Variants in G2E3 observed in about 807,000 individuals in gnomAD.
The protein encoded by G2E3 is G2/M phase-specific E3 ubiquitin-protein ligase.
G2E3 carries 35 observed loss-of-function variants against 92.8 expected under a neutral mutation model. The ratio of observed to expected loss-of-function variants is 0.38; its 90% CI spans 0.29 to 0.50. The LOEUF is 0.50. Ranked by LOEUF, G2E3 falls within the 20% of genes least tolerant of loss-of-function variation. The pLI is 0.94. For missense variants in G2E3, 554 were observed against 823.8 expected, an observed-to-expected ratio of 0.67 and a Z score of 4.01; for synonymous variants, 242 against 272.4, an observed-to-expected ratio of 0.89 and a Z score of 1.10.
chr14:30,580,168 C>T (rs229197), intron 1 of G2E3, among the ~76,000 whole-genome samples: 1,727 of 152,152 alleles, frequency 0.011, 31 homozygotes, highest in African/African-American at 0.039. Flanking sequence ...GCAACAGCCA[C>T]AAATACGGTA....
At chr14:30,612,057 C>A in intron 12 of G2E3, 150 bp from the exon 13 acceptor site, 1 of 586,492 alleles carries the variant, frequency 1.7e-6, no homozygotes, top group Non-Finnish European at 3.0e-6. Context: ...GATGATCAGA[C>A]ATTTATTCTA....
Position 30,612,300 on chromosome 14 carries a change from A to T in G2E3, c.1594A>T (p.Thr532Ser). 1 of 1,603,862 alleles carries T rather than the reference A, an allele frequency of 6.2e-7. No homozygotes were observed. The highest frequency in any genetic ancestry group is 8.5e-7 in the Non-Finnish European group (1 of 1,171,226). ...AATTGGATGTCTCAGACTTATAACG[A>T]CATTAAGTGATAAATATATGTTAGT... ...ELIGCLRLIT[T>S]LSDKYMLVKD... The change falls in exon 13 of 15, where the codon ACA (threonine) becomes TCA (serine). Residue 532 changes from threonine to serine, a missense_variant. This residue lies in a region of G2E3 where 397 missense variants were observed against 560.3 expected (regional missense o/e 0.71). Coordinates refer to ENST00000206595, the MANE Select transcript of G2E3 (RefSeq NM_017769.5).
chr14:30,599,224 CTT>C (rs76536965), intron 8 of G2E3, among the ~76,000 whole-genome samples: 3 of 151,464 alleles, frequency 2.0e-5, no homozygotes, highest in African/African-American at 7.3e-5. Context: ...GTAATTACCT[CTT>C]TTTTTTGTTT....
chr14:30,619,614 T>C lies in G2E3; in HGVS notation c.*3080T>C, dbSNP rs1882471699. 6.6e-6 allele frequency: 1 copy of C among 152,094 alleles called. No homozygotes were observed. Among genetic ancestry groups the C allele is most frequent in the Non-Finnish European group, 1.5e-5 (1 of 67,994 alleles). 9.4% of individuals were successfully genotyped at this position (152,094 alleles called of 1,614,324 possible). On this transcript the variant is annotated 3_prime_UTR_variant, in exon 15 of 15. Coordinates refer to ENST00000206595, the MANE Select transcript of G2E3 (RefSeq NM_017769.5). ...GTATATTATCTGTGGTTTAGGAAAA[T>C]TTGGATTGTCTTGAAGAGACTCAGT...
At chr14:30,608,225 A>G (rs1488429694) in intron 12 of G2E3, among the ~76,000 whole-genome samples, 156 bp downstream of exon 12, 1 of 152,180 alleles carries the variant, frequency 6.6e-6, no homozygotes, top group African/African-American at 2.4e-5. Context: ...GAACCAGTTA[A>G]AAGATAGTTT....
chr14:30,565,573 G>C (rs1314496284), intron 1 of G2E3, among the ~76,000 whole-genome samples: 1 of 133,498 alleles, frequency 7.5e-6, no homozygotes, highest in African/African-American at 2.8e-5. Flanking sequence ...TTATAGTTCT[G>C]TCTTTTACAT....
At chr14:30,579,288 G>A (rs1880296036) in intron 1 of G2E3, among the ~76,000 whole-genome samples, 1 of 152,060 alleles carries the variant, frequency 6.6e-6, no homozygotes, top group African/African-American at 2.4e-5. Flanking sequence ...TTAAAACTGG[G>A]CTCTTAGTTG....
At chr14:30,608,807 T>G (rs945207899) in intron 12 of G2E3, among the ~76,000 whole-genome samples, 1 of 152,178 alleles carries the variant, frequency 6.6e-6, no homozygotes, top group Non-Finnish European at 1.5e-5. Flanking sequence ...ACAGGCAGTG[T>G]TGTTTAATGA....
intron 2 of G2E3, among the ~76,000 whole-genome samples, chr14:30,581,453 TTC>T: frequency 6.6e-6 from 1 of 152,204 alleles, no homozygotes; most frequent in Non-Finnish European, 1.5e-5. Context: ...ACGCCTGCAA[TTC>T]CAGCACTTTA....
chr14:30,593,339 C>T (rs1881113010), intron 5 of G2E3, 135 bp from the exon 6 acceptor site: 1 of 542,034 alleles, frequency 1.8e-6, no homozygotes, highest in Non-Finnish European at 3.2e-6. Context: ...ATTTTTAGTG[C>T]CAAGGCTCCA....
At chr14:30,607,515 C>T (rs1881886440) in intron 11 of G2E3, among the ~76,000 whole-genome samples, 1 of 152,088 alleles carries the variant, frequency 6.6e-6, no homozygotes, top group Non-Finnish European at 1.5e-5. Context: ...TGTGCTATGA[C>T]AGTATAACAT....
At chr14:30,594,778 CTT>C (rs201105709) in intron 6 of G2E3, among the ~76,000 whole-genome samples, 11 of 142,878 alleles carry the variant, frequency 7.7e-5, no homozygotes, top group Admixed American at 2.1e-4. Context: ...TGACTGATAC[CTT>C]TTTTTTTTTT....
At chr14:30,596,662 A>T (rs895738953) in intron 6 of G2E3, among the ~76,000 whole-genome samples, 19 of 152,162 alleles carry the variant, frequency 1.2e-4, no homozygotes, top group African/African-American at 4.6e-4. Context: ...TCATGTGTAT[A>T]CTTAAAATAC....
rs552573410 is a variant in G2E3 at position 30,590,959 on chromosome 14, C to G, written c.238-1364C>G. The G allele has an allele frequency of 3.4e-5, 8 of 234,244 alleles. No individual in the cohort carries two copies. The South Asian group carries it at 4.1e-4, about 12-fold the overall frequency. The allele number at this position is 234,244 out of a possible 1,614,324, so 14.5% of individuals were successfully genotyped here. ...TGCTTACCAGTTGAGCACCTCTAAT[C>G]TGAAAATCCAAAACCCAAAATGTTC... On this transcript the variant is annotated intron_variant, in intron 4 of 14. Transcript: ENST00000206595.
At chr14:30,582,813 A>G (rs886361561) in intron 2 of G2E3, among the ~76,000 whole-genome samples, 2 of 152,140 alleles carry the variant, frequency 1.3e-5, no homozygotes, top group African/African-American at 4.8e-5. Context: ...ATCCCTTTAA[A>G]CCAGAGTGAG....
chr14:30,593,905 TTTTG>T (rs1881144200), intron 6 of G2E3, among the ~76,000 whole-genome samples: 1 of 152,190 alleles, frequency 6.6e-6, no homozygotes, highest in Non-Finnish European at 1.5e-5. Context: ...TACCTAAGGA[TTTTG>T]TTTGATTTCA....
intron 1 of G2E3, chr14:30,580,800 A>G: frequency 3.0e-6 from 1 of 338,676 alleles, no homozygotes; most frequent in South Asian, 3.6e-5. Context: ...GAGCATTGCA[A>G]GATGTCCTAT....
intron 6 of G2E3, 111 bp downstream of exon 6, chr14:30,593,750 A>G (rs1261589085): frequency 9.5e-6 from 7 of 734,446 alleles, no homozygotes; most frequent in Non-Finnish European, 1.6e-5. Flanking sequence ...ACTACTTGTT[A>G]CTTTTAAAAC....
intron 14 of G2E3, 122 bp downstream of exon 14, chr14:30,615,661 T>C (rs1882280836): frequency 2.0e-6 from 1 of 500,630 alleles, no homozygotes; most frequent in Admixed American, 3.5e-5. Context: ...TAACTCCGTA[T>C]TTACAAAAGA....
Sources: gnomAD v4.1 joint callset for allele counts (sites outside exome capture counted in the v4.1 genomes callset) on GRCh38, gnomAD v4.1.1 for gene constraint, gnomAD v4.1.1 regional missense constraint, MANE v1.5 for transcripts, NCBI Gene and HGNC (gene_info 2026-07-23, HGNC 2026-07-21) for gene names.